The following KCNB2 variants were observed in gnomAD, a reference collection of about 807,000 sequenced individuals.
The protein encoded by KCNB2 is delayed rectifier potassium channel protein.
In KCNB2, 15 loss-of-function variants were observed where a neutral mutation model predicts 61.5. The ratio of observed to expected loss-of-function variants is 0.24; its 90% CI spans 0.16 to 0.38. The LOEUF (loss-of-function observed/expected upper bound fraction) is 0.38. Among genes scored for constraint, KCNB2 ranks in the 10% least tolerant of loss-of-function variants. The probability of loss-of-function intolerance (pLI) is 1.00; values close to 1 mark genes in which losing one functional copy is unlikely to be tolerated. For synonymous variants in KCNB2, 457 were observed against 446.0 expected, an observed-to-expected ratio of 1.02 and a Z score of -0.31; for missense variants, 828 against 1,125.2, an observed-to-expected ratio of 0.74 and a Z score of 3.78.
At chr8:72,542,619 G>C (rs191698644) in intron 1 of KCNB2, among the ~76,000 whole-genome samples, 22 of 152,262 alleles carry the variant, frequency 1.4e-4, no homozygotes, top group African/African-American at 4.8e-4. Flanking sequence ...TCCTTTGTGT[G>C]AGACTCACTT....
At chr8:72,748,595 T>C (rs1808121246) in intron 2 of KCNB2, among the ~76,000 whole-genome samples, 1 of 141,930 alleles carries the variant, frequency 7.0e-6, no homozygotes, top group South Asian at 2.3e-4. Context: ...TGAACTCACT[T>C]TGGTTTTTTT....
At chr8:72,816,339 T>G (rs1315719942) in intron 2 of KCNB2, among the ~76,000 whole-genome samples, 1 of 152,166 alleles carries the variant, frequency 6.6e-6, no homozygotes, top group Non-Finnish European at 1.5e-5. Flanking sequence ...TTAACAACAT[T>G]TACAATTTCC....
chr8:72,820,941 C>A (rs1236475498), intron 2 of KCNB2, among the ~76,000 whole-genome samples: 1 of 152,120 alleles, frequency 6.6e-6, no homozygotes, highest in Non-Finnish European at 1.5e-5. Context: ...TCATACAAAC[C>A]AAACACATTT....
chr8:72,612,248 G>T (rs1805553764), intron 2 of KCNB2, among the ~76,000 whole-genome samples: 2 of 152,060 alleles, frequency 1.3e-5, no homozygotes, highest in Admixed American at 1.3e-4. Context: ...ATGATTTATT[G>T]TTCTAAAATC....
At chr8:72,930,054 G>GT (rs1806745873) in intron 2 of KCNB2, among the ~76,000 whole-genome samples, 2 of 149,466 alleles carry the variant, frequency 1.3e-5, no homozygotes, top group Admixed American at 6.8e-5. Flanking sequence ...GCAATGTTTG[G>GT]TTTTTTGTCC....
chr8:72,813,574 A>C (rs912950661), intron 2 of KCNB2, among the ~76,000 whole-genome samples: 1 of 152,204 alleles, frequency 6.6e-6, no homozygotes, highest in African/African-American at 2.4e-5. Flanking sequence ...CATTTACCTG[A>C]GTCTACCCAG....
At chr8:72,929,239 A>G (rs920718263) in intron 2 of KCNB2, among the ~76,000 whole-genome samples, 4 of 152,126 alleles carry the variant, frequency 2.6e-5, no homozygotes, top group African/African-American at 9.7e-5. Flanking sequence ...CATTATCTTC[A>G]AAGGACTAAA....
intron 2 of KCNB2, among the ~76,000 whole-genome samples, chr8:72,926,787 A>G (rs1806658110): frequency 6.6e-6 from 1 of 152,276 alleles, no homozygotes; most frequent in South Asian, 2.1e-4. Flanking sequence ...TGAATAATGT[A>G]TCCCCTTCTT....
intron 2 of KCNB2, among the ~76,000 whole-genome samples, chr8:72,756,208 C>A (rs1348649296): frequency 6.6e-6 from 1 of 152,160 alleles, no homozygotes; most frequent in Non-Finnish European, 1.5e-5. Flanking sequence ...CCTGTGACAC[C>A]ACACAGGCTA....
intron 1 of KCNB2, among the ~76,000 whole-genome samples, chr8:72,548,443 C>A (rs1806294692): frequency 6.6e-6 from 1 of 152,190 alleles, no homozygotes; most frequent in South Asian, 2.1e-4. Flanking sequence ...TCTTTGGACC[C>A]TGGTTTGCTA....
chr8:72,771,581 A>G (rs1006971214), intron 2 of KCNB2, among the ~76,000 whole-genome samples: 8 of 152,110 alleles, frequency 5.3e-5, no homozygotes, highest in Admixed American at 1.3e-4. Flanking sequence ...TCATTAAATA[A>G]TAAGTTTGAG....
At chr8:72,698,837 A>G (rs1807063730) in intron 2 of KCNB2, among the ~76,000 whole-genome samples, 1 of 152,156 alleles carries the variant, frequency 6.6e-6, no homozygotes, top group African/African-American at 2.4e-5. Flanking sequence ...CTGGACTTCC[A>G]CCTTTCACCA....
intron 1 of KCNB2, among the ~76,000 whole-genome samples, chr8:72,561,741 A>ATTTG (rs1563523454): frequency 7.4e-5 from 2 of 26,902 alleles, no homozygotes; most frequent in Admixed American, 5.1e-4. Flanking sequence ...ATATCTATAT[A>ATTTG]TATATGTATA....
chr8:72,834,582 C>A (rs572117709), intron 2 of KCNB2, among the ~76,000 whole-genome samples: 4 of 152,144 alleles, frequency 2.6e-5, no homozygotes, highest in Non-Finnish European at 5.9e-5. Flanking sequence ...GAGCCACAAA[C>A]CTGAGCCAGG....
intron 2 of KCNB2, among the ~76,000 whole-genome samples, chr8:72,679,859 A>G (rs929541488): frequency 6.6e-6 from 1 of 152,170 alleles, no homozygotes; most frequent in Non-Finnish European, 1.5e-5. Flanking sequence ...CTAACTGCCT[A>G]TGAAGACTGC....
At chr8:72,912,531 T>C (rs1184390580) in intron 2 of KCNB2, among the ~76,000 whole-genome samples, 1 of 148,142 alleles carries the variant, frequency 6.8e-6, no homozygotes, top group East Asian at 2.0e-4. Flanking sequence ...TAATATATAA[T>C]ATGATATATA....
intron 2 of KCNB2, among the ~76,000 whole-genome samples, chr8:72,677,911 C>A (rs1806688232): frequency 6.6e-6 from 1 of 152,084 alleles, no homozygotes; most frequent in Non-Finnish European, 1.5e-5. Flanking sequence ...GATAAAATAC[C>A]ACTATACCAA....
At chr8:72,743,740 A>G (rs1019539101) in intron 2 of KCNB2, among the ~76,000 whole-genome samples, 2 of 152,222 alleles carry the variant, frequency 1.3e-5, no homozygotes, top group African/African-American at 2.4e-5. Context: ...GACATATTGT[A>G]TATATACTAT....
chr8:72,934,570 G>C (rs909781751), intron 2 of KCNB2, among the ~76,000 whole-genome samples: 1 of 152,098 alleles, frequency 6.6e-6, no homozygotes, highest in Non-Finnish European at 1.5e-5. Context: ...GTACTGAGTT[G>C]TGTGGTATCA....
Sources: gnomAD v4.1 joint callset for allele counts (sites outside exome capture counted in the v4.1 genomes callset) on GRCh38, gnomAD v4.1.1 for gene constraint, MANE v1.5 for transcripts, NCBI Gene and HGNC (gene_info 2026-07-23, HGNC 2026-07-21) for gene names.